The following ZBTB7C variants were observed in gnomAD, a reference collection of about 807,000 sequenced individuals.
ZBTB7C encodes zinc finger and BTB domain containing 7C.
ZBTB7C carries 8 observed loss-of-function variants against 25.7 expected under a neutral mutation model. That is an observed-to-expected ratio of 0.31 (90% CI 0.18 to 0.56). The LOEUF (loss-of-function observed/expected upper bound fraction) is 0.56. ZBTB7C is among the 20% of genes least tolerant of loss of function. The pLI is 0.91. For missense variants in ZBTB7C, 824 were observed against 855.2 expected, an observed-to-expected ratio of 0.96 and a Z score of 0.46; for synonymous variants, 394 against 369.0, an observed-to-expected ratio of 1.07 and a Z score of -0.78.
At chr18:48,357,828 T>C (rs1490599593) in intron 1 of ZBTB7C, among the ~76,000 whole-genome samples, 1 of 152,226 alleles carries the variant, frequency 6.6e-6, no homozygotes, top group East Asian at 1.9e-4. Context: ...TCTCCAAATT[T>C]AGCCTAAACT....
chr18:48,270,253 C>CTTTTTTTTTTTTTTTTTTT (rs760096959), intron 2 of ZBTB7C, among the ~76,000 whole-genome samples: 1 of 98,754 alleles, frequency 1.0e-5, no homozygotes, highest in Non-Finnish European at 2.0e-5. Flanking sequence ...TTCTCTCTTT[C>CTTTTTTTTTTTTTTTTTTT]TTTTTTTTTT....
chr18:48,363,207 G>A (rs1027959494), intron 1 of ZBTB7C, among the ~76,000 whole-genome samples: 4 of 152,204 alleles, frequency 2.6e-5, no homozygotes, highest in Admixed American at 6.5e-5. Flanking sequence ...TGCTGCTCGG[G>A]AGGGAGGGAC....
chr18:48,156,949 C>T (rs1246630635), intron 3 of ZBTB7C, among the ~76,000 whole-genome samples: 1 of 152,118 alleles, frequency 6.6e-6, no homozygotes, highest in East Asian at 1.9e-4. Flanking sequence ...CCCTGCCTGT[C>T]ACTCAGAGGC....
chr18:48,079,253 C>A (rs1002088346), intron 3 of ZBTB7C, among the ~76,000 whole-genome samples: 8 of 152,210 alleles, frequency 5.3e-5, no homozygotes, highest in African/African-American at 1.9e-4. Flanking sequence ...TTTTTCAGTT[C>A]AACCACAGGT....
intron 2 of ZBTB7C, among the ~76,000 whole-genome samples, chr18:48,300,667 C>T (rs1156919218): frequency 3.9e-5 from 6 of 152,272 alleles, no homozygotes; most frequent in South Asian, 2.1e-4. Context: ...AAAAAAATGC[C>T]GGGAAGAAAG....
At chr18:48,206,004 A>G (rs1167560723) in intron 2 of ZBTB7C, among the ~76,000 whole-genome samples, 1 of 152,212 alleles carries the variant, frequency 6.6e-6, no homozygotes, top group Non-Finnish European at 1.5e-5. Flanking sequence ...AGTGGGCCCA[A>G]AGGAGACTCT....
At chr18:48,067,449 G>A (rs758122064) in intron 3 of ZBTB7C, among the ~76,000 whole-genome samples, 3 of 152,200 alleles carry the variant, frequency 2.0e-5, no homozygotes, top group Non-Finnish European at 2.9e-5. Flanking sequence ...AATAGAGGGA[G>A]TTGTAAATTA....
intron 2 of ZBTB7C, among the ~76,000 whole-genome samples, chr18:48,291,612 C>T (rs937266853): frequency 1.3e-5 from 2 of 152,054 alleles, no homozygotes; most frequent in Admixed American, 6.5e-5. Flanking sequence ...TGTGGCACTG[C>T]GAATTTGGAA....
intron 4 of ZBTB7C, among the ~76,000 whole-genome samples, chr18:48,039,603 C>T: frequency 6.6e-6 from 1 of 152,224 alleles, no homozygotes; most frequent in East Asian, 1.9e-4. Context: ...AAGAGGAAGC[C>T]AAGCAACCAA....
intron 3 of ZBTB7C, among the ~76,000 whole-genome samples, chr18:48,089,516 T>A (rs901980790): frequency 6.8e-6 from 1 of 147,494 alleles, no homozygotes; most frequent in Non-Finnish European, 1.5e-5. Flanking sequence ...GTTCAGAAAG[T>A]GGGGCCCTAG....
intron 2 of ZBTB7C, among the ~76,000 whole-genome samples, chr18:48,232,099 G>A (rs555895883): frequency 2.2e-4 from 34 of 152,356 alleles, no homozygotes; most frequent in African/African-American, 7.7e-4. Context: ...CTGCCAGGCT[G>A]AGTGGGCAAA....
At chr18:48,334,225 G>C (rs2046406251) in intron 2 of ZBTB7C, among the ~76,000 whole-genome samples, 1 of 152,126 alleles carries the variant, frequency 6.6e-6, no homozygotes, top group African/African-American at 2.4e-5. Flanking sequence ...ACAGGCTGAG[G>C]GAAAGTAAAG....
chr18:48,285,782 G>T (rs1271949034), intron 2 of ZBTB7C, among the ~76,000 whole-genome samples: 1 of 151,930 alleles, frequency 6.6e-6, no homozygotes, highest in East Asian at 1.9e-4. Context: ...TATCTGTTTT[G>T]GTTATGACAT....
chr18:48,089,148 TTCCTGC>T (rs2038308993), intron 3 of ZBTB7C, among the ~76,000 whole-genome samples: 1 of 152,190 alleles, frequency 6.6e-6, no homozygotes, highest in Admixed American at 6.5e-5. Context: ...TGAGTGAGGC[TTCCTGC>T]TCCCAACCAT....
chr18:48,136,334 C>G (rs1001121848), intron 3 of ZBTB7C, among the ~76,000 whole-genome samples: 43 of 152,316 alleles, frequency 2.8e-4, no homozygotes, highest in Admixed American at 2.1e-3. Flanking sequence ...ATCCACTCAC[C>G]CCCAGGTTGG....
chr18:48,122,772 G>C (rs919759808), intron 3 of ZBTB7C, among the ~76,000 whole-genome samples: 2 of 152,172 alleles, frequency 1.3e-5, no homozygotes, highest in African/African-American at 4.8e-5. Context: ...GTCCAACCCA[G>C]GAGGAAGAAG....
chr18:48,038,413 C>A (rs1033816020), intron 4 of ZBTB7C, among the ~76,000 whole-genome samples: 19 of 152,142 alleles, frequency 1.2e-4, no homozygotes, highest in African/African-American at 4.6e-4. Flanking sequence ...TCAAAACAGT[C>A]CCCTGAGGAG....
At chr18:48,271,231 C>A (rs973064151) in intron 2 of ZBTB7C, among the ~76,000 whole-genome samples, 78 of 152,054 alleles carry the variant, frequency 5.1e-4, no homozygotes, top group African/African-American at 1.9e-3. Context: ...GGAAAACTGG[C>A]AAAATAATTT....
chr18:48,252,179 G>A (rs2043879721), intron 2 of ZBTB7C: 1 of 152,174 alleles, frequency 6.6e-6, no homozygotes, highest in African/African-American at 2.4e-5. Flanking sequence ...AGAAGAACTG[G>A]GAGACTGCGT....
Sources: allele counts gnomAD v4.1 joint callset (sites outside exome capture counted in the v4.1 genomes callset), GRCh38; gene constraint gnomAD v4.1.1; transcripts MANE v1.5; gene names NCBI Gene and HGNC (gene_info 2026-07-23, HGNC 2026-07-21).